The following MIA2 variants were observed in gnomAD, a reference collection of about 807,000 sequenced individuals.
MIA2 encodes MIA SH3 domain ER export factor 2.
A neutral mutation model predicts 167.8 loss-of-function variants in MIA2; 127 were observed. The ratio of observed to expected loss-of-function variants is 0.76; its 90% CI spans 0.66 to 0.88. The LOEUF (loss-of-function observed/expected upper bound fraction) is 0.88, where lower values mean the gene tolerates loss of function less well. MIA2 is among the 40% of genes least tolerant of loss of function. The pLI is 0.00. For missense variants in MIA2, 1,690 were observed against 1,624.7 expected (o/e 1.04, Z -0.69); for synonymous variants, 552 against 541.9 (o/e 1.02, Z -0.26).
intron 25 of MIA2, among the ~76,000 whole-genome samples, chr14:39,342,498 A>G (rs1461999170): frequency 6.6e-6 from 1 of 151,912 alleles, no homozygotes; most frequent in Non-Finnish European, 1.5e-5. Flanking sequence ...TTATAGCAGC[A>G]TGATTTATAA....
At chr14:39,289,579 T>A (rs1470201988) in intron 9 of MIA2, among the ~76,000 whole-genome samples, 1 of 152,192 alleles carries the variant, frequency 6.6e-6, no homozygotes, top group Non-Finnish European at 1.5e-5. Flanking sequence ...TAGTGCAACC[T>A]AGTGGTGTAA....
chr14:39,367,588 A>T (rs1172729302), intron 23 of MIA2, among the ~76,000 whole-genome samples: 1 of 152,216 alleles, frequency 6.6e-6, no homozygotes, highest in African/African-American at 2.4e-5. Context: ...CCTACACTGG[A>T]GAGCCTCTTT....
chr14:39,259,968 C>A (rs1190128118), intron 6 of MIA2, among the ~76,000 whole-genome samples: 2 of 152,162 alleles, frequency 1.3e-5, no homozygotes, highest in South Asian at 4.1e-4. Flanking sequence ...GTTTGGTTTT[C>A]TGTCCTTGCA....
At chr14:39,343,314 T>G (rs1417050919) in intron 25 of MIA2, among the ~76,000 whole-genome samples, 1 of 152,058 alleles carries the variant, frequency 6.6e-6, no homozygotes, top group Non-Finnish European at 1.5e-5. Flanking sequence ...CTGGCTAATT[T>G]TTTTGTGTTT....
chr14:39,270,201 T>A (rs1204673187), intron 6 of MIA2, among the ~76,000 whole-genome samples: 3 of 2,398 alleles, frequency 1.3e-3, no homozygotes, highest in South Asian at 7.4e-3. Flanking sequence ...TCTGTTGTGG[T>A]TTTTTTTTTT....
At chr14:39,266,809 C>T (rs2055758115) in intron 6 of MIA2, 3 of 185,998 alleles carry the variant, frequency 1.6e-5, no homozygotes, top group African/African-American at 3.0e-5. Flanking sequence ...CCTTGGGTGT[C>T]GGGGCTGGGC....
chr14:39,302,280 A>G lies in MIA2; in HGVS notation c.2740+31A>G. 4 of 1,607,966 alleles carry G rather than the reference A, an allele frequency of 2.5e-6. No individual in the cohort carries two copies. The African/African-American group carries it at 4.0e-5, about 16-fold the overall frequency. On this transcript the variant is annotated intron_variant, in intron 15 of 28. Transcript: ENST00000640607. ...AAGTCATGACTCATCTCCTTTTGCT[A>G]AAATGGTGACTAGCTCTTCTATTTC...
Position 39,293,237 on chromosome 14 carries a change from A to T in MIA2, c.2209-34A>T, listed in dbSNP as rs376927713. Reference sequence around the variant, plus strand: ...CTGATTTCCCTAATGAAAAATTCTTATATCTGTTTAATAAAGTTGGCTTTC... The same window carrying T: ...CTGATTTCCCTAATGAAAAATTCTTTTATCTGTTTAATAAAGTTGGCTTTC... On this transcript the variant is annotated intron_variant, in intron 10 of 28. Coordinates refer to ENST00000640607, the MANE Select transcript of MIA2 (RefSeq NM_001329214.4). The T allele has an allele frequency of 8.7e-6, 12 of 1,373,534 alleles. No individual in the cohort carries two copies. The African/African-American group carries it at 1.0e-4, about 12-fold the overall frequency. The allele number at this position is 1,373,534 out of a possible 1,614,324, so 85.1% of individuals were successfully genotyped here.
chr14:39,296,101 G>C (rs903924293), intron 13 of MIA2, among the ~76,000 whole-genome samples: 1 of 151,560 alleles, frequency 6.6e-6, no homozygotes, highest in Admixed American at 6.6e-5. Flanking sequence ...GTTCTGTTCT[G>C]TGTCCTAAGA....
intron 22 of MIA2, 59 bp from the exon 23 acceptor site, chr14:39,319,150 T>C (rs1227553829): frequency 1.0e-6 from 1 of 971,628 alleles, no homozygotes; most frequent in Non-Finnish European, 1.5e-6. Flanking sequence ...TAGAGGCATT[T>C]TTTCTTGTGG....
chr14:39,269,074 G>GT (rs3065036), intron 6 of MIA2: 6,816 of 581,092 alleles, frequency 0.012, 11 homozygotes, highest in South Asian at 0.022. Context: ...CACCTGCACA[G>GT]TTTTTTTTTT....
intron 25 of MIA2, among the ~76,000 whole-genome samples, chr14:39,339,806 T>C (rs1006592330): frequency 6.6e-6 from 1 of 152,172 alleles, no homozygotes; most frequent in African/African-American, 2.4e-5. Context: ...ATTTTTAATC[T>C]TATTGAATTT....
intron 10 of MIA2, 124 bp from the exon 11 acceptor site, chr14:39,293,147 A>G: frequency 1.4e-6 from 1 of 723,022 alleles, no homozygotes; most frequent in South Asian, 1.8e-5. Flanking sequence ...TTGATATTAT[A>G]AAAATGAGCA....
intron 3 of MIA2, among the ~76,000 whole-genome samples, chr14:39,245,182 C>T (rs1184372773): frequency 6.6e-6 from 1 of 150,652 alleles, no homozygotes; most frequent in African/African-American, 2.4e-5. Context: ...CTCAAGCAGT[C>T]CTCCTGCCTT....
At chr14:39,357,537 A>G (rs1010932030) in intron 23 of MIA2, among the ~76,000 whole-genome samples, 3 of 152,178 alleles carry the variant, frequency 2.0e-5, no homozygotes, top group Non-Finnish European at 2.9e-5. Context: ...TAATTGGAGC[A>G]TTTAGCCCAT....
At chr14:39,373,284 TAAA>T (rs771799026) in intron 23 of MIA2, among the ~76,000 whole-genome samples, 10 of 114,960 alleles carry the variant, frequency 8.7e-5, no homozygotes, top group Non-Finnish European at 1.8e-4. Flanking sequence ...CTTTCTATGT[TAAA>T]AAGCAAAAAA....
chr14:39,267,429 C>T (rs557160691), intron 6 of MIA2: 4 of 1,610,888 alleles, frequency 2.5e-6, no homozygotes, highest in South Asian at 1.1e-5. Context: ...GCCGGGGTTA[C>T]TGTGGCGACC....
intron 9 of MIA2, among the ~76,000 whole-genome samples, chr14:39,287,029 T>G (rs2059918321): frequency 6.6e-6 from 1 of 151,544 alleles, no homozygotes; most frequent in Admixed American, 6.6e-5. Flanking sequence ...CCAGGCCTTT[T>G]ATTTCTTTTT....
At position 39,252,916 on chromosome 14, in the gene MIA2, T is replaced by C; in HGVS notation, c.1736T>C (p.Met579Thr). The C allele has an allele frequency of 6.2e-7, 1 of 1,613,650 alleles. No homozygotes were observed. The highest frequency in any genetic ancestry group is 2.2e-5 in the East Asian group (1 of 44,854). The change falls in exon 5 of 29, where the codon ATG (methionine) becomes ACG (threonine). Residue 579 changes from methionine (M) to threonine (T), a missense_variant. Physicochemically the swap from Met to Thr is moderately conservative, Grantham distance 81. Coordinates refer to ENST00000640607, the MANE Select transcript of MIA2 (RefSeq NM_001329214.4). ...SVENTLLNSQ[M>T]VSTDNSLSSQ... ...GAAAATACCCTGCTAAATAGTCAGA[T>C]GGTTTCAACTGATAACTCTTTGTCT...
Sources: allele counts gnomAD v4.1 joint callset (sites outside exome capture counted in the v4.1 genomes callset), GRCh38; gene constraint gnomAD v4.1.1; transcripts MANE v1.5; gene names NCBI Gene and HGNC (gene_info 2026-07-23, HGNC 2026-07-21).